The following C4orf51 variants were observed in gnomAD, a reference collection of about 807,000 sequenced individuals.
The protein encoded by C4orf51 is chromosome 4 open reading frame 51, also known as uncharacterized protein C4orf51.
In C4orf51, 25 loss-of-function variants were observed where a neutral mutation model predicts 25.2. The observed-to-expected ratio is 0.99, with a 90% CI of 0.72 to 1.39. C4orf51 has a LOEUF of 1.39. Among genes scored for constraint, C4orf51 ranks in the 40% most tolerant of loss-of-function variants. The probability of loss-of-function intolerance (pLI) is 0.00; values close to 1 mark genes in which losing one functional copy is unlikely to be tolerated. For missense variants in C4orf51, 252 were observed against 239.6 expected (o/e 1.05, Z -0.34); for synonymous variants, 100 against 84.5 (o/e 1.18, Z -1.01).
intron 1 of C4orf51, among the ~76,000 whole-genome samples, chr4:145,737,989 A>G (rs1732892433): frequency 6.6e-6 from 1 of 152,168 alleles, no homozygotes. Context: ...GGAAGAAAGG[A>G]AAGAAACTGT....
At chr4:145,774,108 C>T (rs759067181), downstream of C4orf51, among the ~76,000 whole-genome samples, 4 of 152,134 alleles carry the variant, frequency 2.6e-5, no homozygotes, top group Non-Finnish European at 4.4e-5. Flanking sequence ...TGTTTCTTCA[C>T]CTGTACTGTA....
Position 145,766,899 on chromosome 4 carries a change from G to A in C4orf51, n.167-4089G>A, listed in dbSNP as rs539434012. 7.2e-5 allele frequency among the ~76,000 whole-genome samples: 11 copies of A among 152,162 alleles called. No homozygotes were observed. In the South Asian group the frequency reaches 2.1e-3, roughly 29 times the overall value. ...AATCACTGCCTAGTGATCTAGACCC[G>A]CCAAAGAATCATGAAAGCAAGACCC... On this transcript the variant is annotated intron_variant and non_coding_transcript_variant, in intron 1 of 1. Coordinates refer to the C4orf51 transcript ENST00000510096.
At chr4:145,689,673 T>C (rs963087989) in intron 1 of C4orf51, among the ~76,000 whole-genome samples, 1 of 152,110 alleles carries the variant, frequency 6.6e-6, no homozygotes, top group African/African-American at 2.4e-5. Flanking sequence ...AGTGTCAACA[T>C]AGACCAATGG....
downstream of C4orf51, chr4:145,759,203 C>T (rs983544152): frequency 3.3e-5 from 5 of 152,182 alleles, no homozygotes; most frequent in African/African-American, 1.2e-4. Flanking sequence ...TTTCTTCCTG[C>T]TCTTTCAGCC....
chr4:145,764,849 G>C (rs766197992), intron 1 of C4orf51: 5 of 1,124,448 alleles, frequency 4.4e-6, no homozygotes, highest in Non-Finnish European at 2.6e-6. Flanking sequence ...AAGGCAGCAG[G>C]GGTTCCTGAC....
chr4:145,697,880 T>C (rs188285643), intron 2 of C4orf51, among the ~76,000 whole-genome samples: 2 of 152,360 alleles, frequency 1.3e-5, no homozygotes, highest in East Asian at 3.9e-4. Context: ...ATCAGTAGGA[T>C]TGTTGGATCA....
intron 2 of C4orf51, among the ~76,000 whole-genome samples, chr4:145,703,518 G>C (rs1254075755): frequency 6.6e-6 from 1 of 152,148 alleles, no homozygotes; most frequent in African/African-American, 2.4e-5. Context: ...CCTTATCTGA[G>C]ATATGGTTTG....
intron 1 of C4orf51, chr4:145,760,979 T>C: frequency 8.0e-7 from 1 of 1,248,144 alleles, no homozygotes; most frequent in East Asian, 5.7e-5. Context: ...GGGGAGCCGT[T>C]GAAGGCCAAA....
rs989525581 is a variant in C4orf51, at chr4:145,729,544, T to A, written c.427+315T>A. On this transcript the variant is annotated intron_variant, in intron 4 of 5. Transcript: ENST00000438731. Reference sequence around the variant, plus strand: ...TCTCGATCTTCCGACCTTGTGATCCTCCCTCCTTGGCCTCCCAAAGTGCTG... The same window carrying A: ...TCTCGATCTTCCGACCTTGTGATCCACCCTCCTTGGCCTCCCAAAGTGCTG... Among the ~76,000 whole-genome samples, 37 of 152,166 alleles carry A rather than the reference T, an allele frequency of 2.4e-4. 1 individual carries two copies. In the South Asian group the frequency reaches 2.9e-3, roughly 12 times the overall value.
chr4:145,685,012 A>C (rs770221631), intron 1 of C4orf51, among the ~76,000 whole-genome samples: 3 of 152,238 alleles, frequency 2.0e-5, no homozygotes, highest in Non-Finnish European at 4.4e-5. Context: ...ATAGTTGAAC[A>C]TTTTAACATA....
chr4:145,694,033 G>A (rs1220002446), intron 1 of C4orf51, among the ~76,000 whole-genome samples: 10 of 135,258 alleles, frequency 7.4e-5, no homozygotes, highest in African/African-American at 2.2e-4. Flanking sequence ...CAGACGGGGC[G>A]GCCGGGCAGA....
intron 1 of C4orf51, among the ~76,000 whole-genome samples, chr4:145,752,532 G>A (rs895971762): frequency 2.0e-5 from 3 of 152,162 alleles, no homozygotes; most frequent in African/African-American, 2.4e-5. Flanking sequence ...ACAAGACAAA[G>A]CCCTCATTTC....
At chr4:145,686,563 A>G (rs1729167869) in intron 1 of C4orf51, among the ~76,000 whole-genome samples, 1 of 152,150 alleles carries the variant, frequency 6.6e-6, no homozygotes, top group Non-Finnish European at 1.5e-5. Context: ...GCTTGCACAA[A>G]TTGTCAAAGT....
At chr4:145,694,412 G>A (rs1347747263) in intron 1 of C4orf51, among the ~76,000 whole-genome samples, 1 of 137,926 alleles carries the variant, frequency 7.3e-6, no homozygotes, top group Non-Finnish European at 1.6e-5. Context: ...CCCCGTCTGG[G>A]AGGTGAGGGG....
At chr4:145,713,914 C>G (rs942618137) in intron 2 of C4orf51, among the ~76,000 whole-genome samples, 2 of 152,092 alleles carry the variant, frequency 1.3e-5, no homozygotes, top group East Asian at 1.9e-4. Context: ...TTCCGAGTAG[C>G]TGGGATTATA....
Position 145,762,713 on chromosome 4 carries a change from C to G in C4orf51, n.167-8275C>G, listed in dbSNP as rs998223216. Among the ~76,000 whole-genome samples the G allele has an allele frequency of 2.6e-5, 4 of 152,210 alleles. No individual in the cohort carries two copies. The highest frequency in any genetic ancestry group is 9.6e-5 in the African/African-American group (4 of 41,452). ...AACCCTCCTGGCTGTCCAGAGGGGC[C>G]ACGAGGAGTGGTGAGGCCATGTTAA... On this transcript the variant is annotated intron_variant and non_coding_transcript_variant, in intron 1 of 1. Coordinates refer to the C4orf51 transcript ENST00000510096. The surrounding 1 kb of genome is among the most constrained non-coding windows in gnomAD (Gnocchi z 4.9).
chr4:145,765,593 C>T lies in C4orf51; in HGVS notation n.167-5395C>T. ...TGTTCAGTGAGGGCTGGCTCCCAGG[C>T]ATGACAGAGATGACCAGCAGATTGT... is the stretch of plus-strand genomic sequence containing the variant. On this transcript the variant is annotated intron_variant and non_coding_transcript_variant, in intron 1 of 1. Coordinates refer to the C4orf51 transcript ENST00000510096. The surrounding 1 kb of genome is among the most constrained non-coding windows in gnomAD (Gnocchi z 4.7). The T allele has an allele frequency of 6.2e-7, 1 of 1,614,014 alleles. No homozygotes were observed. Among genetic ancestry groups the T allele is most frequent in the Non-Finnish European group, 8.5e-7 (1 of 1,179,946 alleles).
chr4:145,709,124 C>A (rs1337269751), intron 2 of C4orf51, among the ~76,000 whole-genome samples: 1 of 152,162 alleles, frequency 6.6e-6, no homozygotes, highest in Non-Finnish European at 1.5e-5. Context: ...GCCCTCTTGA[C>A]ATAAAGTAGT....
At chr4:145,721,789 TTAAAAGA>T (rs1731754745) in intron 2 of C4orf51, among the ~76,000 whole-genome samples, 3 of 152,182 alleles carry the variant, frequency 2.0e-5, no homozygotes, top group South Asian at 4.1e-4. Context: ...GCCTGTGAAC[TTAAAAGA>T]TAGAGATATG....
Sources: gnomAD v4.1 joint callset for allele counts (sites outside exome capture counted in the v4.1 genomes callset) on GRCh38, gnomAD v4.1.1 for gene constraint, Gnocchi (gnomAD v3.1) non-coding constraint, MANE v1.5 for transcripts, NCBI Gene and HGNC (gene_info 2026-07-23, HGNC 2026-07-21) for gene names.